The following PSMG4 variants were observed in gnomAD, a reference collection of about 807,000 sequenced individuals.
PSMG4 encodes proteasome assembly chaperone 4, also known as proteasome (prosome, macropain) assembly chaperone 4.
A neutral mutation model predicts 11.0 loss-of-function variants in PSMG4; 10 were observed. The ratio of observed to expected loss-of-function variants is 0.91; its 90% CI spans 0.56 to 1.54. The LOEUF (loss-of-function observed/expected upper bound fraction) is 1.54. Ranked by LOEUF, PSMG4 falls within the 40% of genes most tolerant of loss-of-function variation. The pLI is 0.00. For missense variants in PSMG4, 198 were observed against 160.9 expected, an observed-to-expected ratio of 1.23 and a Z score of -1.25; for synonymous variants, 95 against 71.3, an observed-to-expected ratio of 1.33 and a Z score of -1.68.
At chr6:3,255,099 TAGG>T (rs1757710730), upstream of PSMG4, 7 of 1,550,922 alleles carry the variant, frequency 4.5e-6, no homozygotes, top group African/African-American at 9.6e-5. Context: ...GTTGGCTGCA[TAGG>T]AGCACAACAT....
intron 1 of PSMG4, among the ~76,000 whole-genome samples, chr6:3,260,107 T>C (rs1250576799): frequency 5.1e-5 from 2 of 39,346 alleles, no homozygotes; most frequent in South Asian, 1.2e-3. Context: ...ACCTGGCTAA[T>C]TGTGTTTTTT....
chr6:3,254,945 GC>G, upstream of PSMG4: 1 of 1,275,658 alleles, frequency 7.8e-7, no homozygotes, highest in South Asian at 1.5e-5. Context: ...CTGGGTGTCA[GC>G]TGTTGGGTGT....
chr6:3,255,225 C>A, upstream of PSMG4: 6 of 1,549,718 alleles, frequency 3.9e-6, no homozygotes, highest in Non-Finnish European at 5.2e-6. Flanking sequence ...GCAAAATCAA[C>A]TCTGGTAAGC....
chr6:3,263,050 G>C (rs1758052418), intron 1 of PSMG4, among the ~76,000 whole-genome samples: 1 of 152,190 alleles, frequency 6.6e-6, no homozygotes, highest in Admixed American at 6.5e-5. Context: ...TTGTTGATCT[G>C]AGAATCATTT....
At chr6:3,262,470 A>G (rs9503505) in intron 1 of PSMG4, among the ~76,000 whole-genome samples, 3,257 of 152,320 alleles carry the variant, frequency 0.021, 119 homozygotes, top group African/African-American at 0.074. Context: ...GAAGAAGCAT[A>G]CAGTAAATGC....
chr6:3,260,291 A>ATATATTTTT lies in PSMG4; in HGVS notation c.174+1096_174+1097insATATTTTTT. Among the ~76,000 whole-genome samples, 73 of 70,852 alleles carry ATATATTTTT rather than the reference A, an allele frequency of 1.0e-3. 3 individuals carry two copies. The highest frequency in any genetic ancestry group is 4.6e-3 in the East Asian group (10 of 2,192). 46.5% of individuals were successfully genotyped at this position (70,852 alleles called of 152,430 possible). On this transcript the variant is annotated intron_variant, in intron 1 of 2. Coordinates refer to ENST00000438998, the MANE Select transcript of PSMG4 (RefSeq NM_001128591.2). ...TGTCTTAAATTGTATATATATATAT[A>ATATATTTTT]TTTTTTTTTTTTTTTTTTGAAGCAA... is the stretch of plus-strand genomic sequence containing the variant.
chr6:3,255,097 C>T (rs567745410), upstream of PSMG4: 219 of 1,551,048 alleles, frequency 1.4e-4, no homozygotes, highest in Non-Finnish European at 1.8e-4. Context: ...AAGTTGGCTG[C>T]ATAGGAGCAC....
At chr6:3,257,342 G>C (rs1241130538), upstream of PSMG4, among the ~76,000 whole-genome samples, 1 of 152,116 alleles carries the variant, frequency 6.6e-6, no homozygotes, top group Non-Finnish European at 1.5e-5. Context: ...CAAAGCTGGA[G>C]AGAGAGAGGA....
At chr6:3,254,671 G>C (rs4997133), upstream of PSMG4, among the ~76,000 whole-genome samples, 1 of 151,740 alleles carries the variant, frequency 6.6e-6, no homozygotes, top group Admixed American at 6.6e-5. Context: ...TTCAAGCTGC[G>C]AAACCACTAA....
Position 3,263,685 on chromosome 6 carries a change from A to C in PSMG4, c.176A>C (p.Asp59Ala). ...NLAVAMCSRY[D>A]SIPVSTSLLG... ...GTGTGCCCTTTGCTTTTCTTTTAGG[A>C]CTCCATCCCCGTGTCTACCTCCCTC... Residue 59 changes from aspartate (D) to alanine (A), a missense_variant and splice_region_variant, in exon 2 of 3, where the codon GAC becomes GCC. Transcript: ENST00000438998. 6.5e-7 allele frequency: 1 copy of C among 1,540,830 alleles called. No homozygotes were observed. Among genetic ancestry groups the C allele is most frequent in the African/African-American group, 1.4e-5 (1 of 72,174 alleles).
intron 2 of PSMG4, chr6:3,264,250 G>A (rs1405858179): frequency 6.4e-7 from 1 of 1,551,488 alleles, no homozygotes; most frequent in Non-Finnish European, 8.7e-7. Flanking sequence ...GTGTGGCGTA[G>A]AGTGGGGATT....
At chr6:3,254,977 T>G (rs1372694182), upstream of PSMG4, 20 of 1,457,572 alleles carry the variant, frequency 1.4e-5, no homozygotes, top group Non-Finnish European at 1.1e-5. Flanking sequence ...GTGATGTGGC[T>G]GTGGATCCCA....
At chr6:3,258,937 C>T, upstream of PSMG4, 1 of 1,195,156 alleles carries the variant, frequency 8.4e-7, no homozygotes, top group East Asian at 3.2e-5. Flanking sequence ...CGCTCGGTCT[C>T]TCGGTGCTCG....
At chr6:3,256,239 G>A (rs76363886), upstream of PSMG4, among the ~76,000 whole-genome samples, 94 of 152,262 alleles carry the variant, frequency 6.2e-4, no homozygotes, top group African/African-American at 2.2e-3. Flanking sequence ...CTACCCTATA[G>A]GGCACAGATC....
At chr6:3,255,134 T>A, upstream of PSMG4, 1 of 1,551,006 alleles carries the variant, frequency 6.4e-7, no homozygotes, top group Non-Finnish European at 8.7e-7. Context: ...CACGTATTGG[T>A]CATTCTCTTT....
In PSMG4 at chr6:3,259,166, C is replaced by G. The variant is rs761759612; in HGVS notation, c.144C>G (p.Arg48=). ...FLWVGATPHL[R]NLAVAMCSRY... ...GGGTGGGGGCCACGCCGCACCTGCG[C>G]AACCTCGCCGTGGCCATGTGCAGCC... The change falls in exon 1 of 3, where the codon CGC becomes CGG. Residue 48 remains arginine (R), a synonymous_variant. Transcript: ENST00000438998. 5 of 1,310,238 alleles carry G rather than the reference C, an allele frequency of 3.8e-6. No homozygotes were observed. Among genetic ancestry groups the G allele is most frequent in the Non-Finnish European group, 4.9e-6 (5 of 1,029,992 alleles). The allele number at this position is 1,310,238 out of a possible 1,614,324, so 81.2% of individuals were successfully genotyped here.
upstream of PSMG4, chr6:3,255,094 C>T (rs58557369): frequency 1.6e-3 from 2,426 of 1,551,028 alleles, 43 homozygotes; most frequent in African/African-American, 0.028. Context: ...AAGAAGTTGG[C>T]TGCATAGGAG....
Position 3,264,232 on chromosome 6 carries a change from G to T in PSMG4, c.250+473G>T, listed in dbSNP as rs367666695. On this transcript the variant is annotated intron_variant, in intron 2 of 2. Coordinates refer to ENST00000438998, the MANE Select transcript of PSMG4 (RefSeq NM_001128591.2). ...AGGGCTCGGAGGGAAGACTGGCCTG[G>T]CCTGTGAGTGTGGCGTAGAGTGGGG... 131 of 1,551,490 alleles carry T rather than the reference G, an allele frequency of 8.4e-5. No homozygotes were observed. In the African/African-American group the frequency reaches 1.5e-3, roughly 18 times the overall value.
At chr6:3,254,604 A>G (rs909721126), upstream of PSMG4, among the ~76,000 whole-genome samples, 7 of 152,176 alleles carry the variant, frequency 4.6e-5, no homozygotes, top group African/African-American at 1.4e-4. Flanking sequence ...AAATAATTCC[A>G]GTAGGCGTAG....
Sources: allele counts gnomAD v4.1 joint callset (sites outside exome capture counted in the v4.1 genomes callset), GRCh38; gene constraint gnomAD v4.1.1; transcripts MANE v1.5; gene names NCBI Gene and HGNC (gene_info 2026-07-23, HGNC 2026-07-21).